Variants in ROBO2 observed in about 807,000 individuals in gnomAD.
ROBO2 encodes the protein roundabout homolog 2.
A neutral mutation model predicts 160.8 loss-of-function variants in ROBO2; 53 were observed. The ratio of observed to expected loss-of-function variants is 0.33; its 90% CI spans 0.26 to 0.41. The LOEUF (loss-of-function observed/expected upper bound fraction) is 0.41. Among genes scored for constraint, ROBO2 ranks in the 10% least tolerant of loss-of-function variants. The probability of loss-of-function intolerance (pLI) is 1.00; values close to 1 mark genes in which losing one functional copy is unlikely to be tolerated. For missense variants in ROBO2, 1,577 were observed against 1,722.4 expected, an observed-to-expected ratio of 0.92 and a Z score of 1.49; for synonymous variants, 664 against 611.7, an observed-to-expected ratio of 1.09 and a Z score of -1.26.
chr3:76,842,572 T>C (rs2068389197), intron 2 of ROBO2, among the ~76,000 whole-genome samples: 1 of 152,196 alleles, frequency 6.6e-6, no homozygotes, highest in African/African-American at 2.4e-5. Context: ...AGTATAAGCT[T>C]CAGACATGTA....
At chr3:76,434,604 C>T (rs889829861) in intron 2 of ROBO2, 4 of 1,537,780 alleles carry the variant, frequency 2.6e-6, no homozygotes, top group African/African-American at 2.7e-5. Context: ...TTCCATACCA[C>T]TGGACTGCCT....
chr3:76,357,910 A>ATAT (rs1559816428), intron 2 of ROBO2, among the ~76,000 whole-genome samples: 7 of 150,270 alleles, frequency 4.7e-5, no homozygotes, highest in African/African-American at 1.7e-4. Flanking sequence ...ATATATATAT[A>ATAT]AATTTTAAAT....
At chr3:76,577,946 C>T (rs2085411734) in intron 2 of ROBO2, among the ~76,000 whole-genome samples, 1 of 152,132 alleles carries the variant, frequency 6.6e-6, no homozygotes, top group African/African-American at 2.4e-5. Flanking sequence ...CTCCTGCCTT[C>T]CTTCCCATGC....
intron 2 of ROBO2, among the ~76,000 whole-genome samples, chr3:76,556,476 G>T (rs562567041): frequency 6.6e-6 from 1 of 152,234 alleles, no homozygotes; most frequent in African/African-American, 2.4e-5. Context: ...AAGTGATTTG[G>T]TATTCTAGAT....
intron 16 of ROBO2, among the ~76,000 whole-genome samples, chr3:77,581,088 A>C (rs1225281820): frequency 6.6e-6 from 1 of 152,148 alleles, no homozygotes; most frequent in Non-Finnish European, 1.5e-5. Context: ...TAATAATGTC[A>C]AGCAACTTTA....
At chr3:76,766,368 A>G (rs1185583931) in intron 2 of ROBO2, among the ~76,000 whole-genome samples, 2 of 151,648 alleles carry the variant, frequency 1.3e-5, no homozygotes, top group Non-Finnish European at 3.0e-5. Flanking sequence ...CAATCTATGG[A>G]CGTAATGGAG....
At chr3:76,202,145 T>C (rs1338220967) in intron 2 of ROBO2, among the ~76,000 whole-genome samples, 4 of 152,160 alleles carry the variant, frequency 2.6e-5, no homozygotes, top group Non-Finnish European at 5.9e-5. Context: ...TTGGACATCT[T>C]CACAATATTT....
rs574808361 is a variant in ROBO2, at chr3:75,951,785, T to C, written c.109+14183T>C. 4.7e-4 allele frequency among the ~76,000 whole-genome samples: 71 copies of C among 152,212 alleles called. 2 individuals are homozygous for C. In the South Asian group the frequency reaches 7.7e-3, roughly 16 times the overall value. ...AAAAAAAATCCAGAAAGTTTTCCTT[T>C]CCATTTGAACATTCATGCAATAAAA... On this transcript the variant is annotated intron_variant, in intron 2 of 26. Coordinates refer to the ROBO2 transcript ENST00000487694.
intron 2 of ROBO2, among the ~76,000 whole-genome samples, chr3:77,337,250 G>T (rs929941422): frequency 6.6e-6 from 1 of 152,092 alleles, no homozygotes; most frequent in Non-Finnish European, 1.5e-5. Flanking sequence ...TTAGCATTTT[G>T]GCTTTTCCAT....
chr3:76,397,632 AAAAC>A (rs557856120), intron 2 of ROBO2, among the ~76,000 whole-genome samples: 4,231 of 151,988 alleles, frequency 0.028, 176 homozygotes, highest in African/African-American at 0.097. Context: ...TTACAAGAAG[AAAAC>A]AAACAACCCC....
intron 2 of ROBO2, among the ~76,000 whole-genome samples, chr3:76,184,923 A>G (rs535310773): frequency 2.0e-5 from 3 of 151,894 alleles, no homozygotes; most frequent in Non-Finnish European, 4.4e-5. Context: ...CATCCCCTGC[A>G]GATTGGATAG....
chr3:76,387,526 A>C (rs754421516), intron 2 of ROBO2, among the ~76,000 whole-genome samples: 2 of 152,112 alleles, frequency 1.3e-5, no homozygotes, highest in Non-Finnish European at 2.9e-5. Context: ...TATGTGTTGC[A>C]CATAATAGGC....
chr3:77,292,958 C>T lies in ROBO2; in HGVS notation c.389-184456C>T, dbSNP rs141406979. On this transcript the variant is annotated intron_variant, in intron 2 of 25. Transcript: ENST00000461745. ...TTGACGATTAAACGGTAAGCTGAGG[C>T]TAGATCACCAAAGACATTAAGTAAA... is the stretch of plus-strand genomic sequence containing the variant. 1.6e-3 allele frequency among the ~76,000 whole-genome samples: 233 copies of T among 149,970 alleles called. 1 individual carries two copies. Among genetic ancestry groups the T allele is most frequent in the African/African-American group, 5.4e-3 (221 of 40,690 alleles).
At chr3:77,619,438 A>G (rs1052730647) in intron 22 of ROBO2, among the ~76,000 whole-genome samples, 5 of 152,202 alleles carry the variant, frequency 3.3e-5, no homozygotes, top group Non-Finnish European at 7.3e-5. Context: ...AAATCAGCCA[A>G]AAGAAGAAAT....
chr3:77,552,289 A>T (rs79807961), intron 8 of ROBO2, among the ~76,000 whole-genome samples: 289 of 152,134 alleles, frequency 1.9e-3, no homozygotes, highest in Non-Finnish European at 3.7e-3. Context: ...AATGCTTAAG[A>T]TACCGGCTAT....
chr3:76,021,904 T>A (rs575083337), intron 2 of ROBO2, among the ~76,000 whole-genome samples: 1 of 150,362 alleles, frequency 6.7e-6, no homozygotes, highest in South Asian at 2.1e-4. Flanking sequence ...ACTTTTCCTT[T>A]CGTGAAAGAT....
At chr3:77,020,448 T>C (rs939011832) in intron 2 of ROBO2, among the ~76,000 whole-genome samples, 1 of 152,170 alleles carries the variant, frequency 6.6e-6, no homozygotes, top group African/African-American at 2.4e-5. Context: ...AGTCAGTAAA[T>C]CGGTCTATTT....
At chr3:77,407,674 T>C (rs112365153) in intron 2 of ROBO2, among the ~76,000 whole-genome samples, 1,567 of 152,342 alleles carry the variant, frequency 0.01, 30 homozygotes, top group African/African-American at 0.036. Context: ...CCCAGCCTCC[T>C]GCTGGCTTGT....
intron 1 of ROBO2, 128 bp downstream of exon 1, chr3:77,040,974 G>A: frequency 3.2e-6 from 4 of 1,238,738 alleles, no homozygotes; most frequent in Non-Finnish European, 3.5e-6. Context: ...TTTTGGCCCG[G>A]CACGGGCTCC....
Sources: allele counts gnomAD v4.1 joint callset (sites outside exome capture counted in the v4.1 genomes callset), GRCh38; gene constraint gnomAD v4.1.1; transcripts MANE v1.5; gene names NCBI Gene and HGNC (gene_info 2026-07-23, HGNC 2026-07-21).